EPB41L5: variants seen among roughly 807,000 people sequenced by gnomAD.
EPB41L5 encodes band 4.1-like protein 5.
A neutral mutation model predicts 106.6 loss-of-function variants in EPB41L5; 55 were observed. That is an observed-to-expected ratio of 0.52 (90% CI 0.42 to 0.65). The LOEUF (loss-of-function observed/expected upper bound fraction) is 0.65, where lower values mean the gene tolerates loss of function less well. Among genes scored for constraint, EPB41L5 ranks in the 30% least tolerant of loss-of-function variants. The probability of loss-of-function intolerance (pLI) is 0.00; values close to 1 mark genes in which losing one functional copy is unlikely to be tolerated. For missense variants in EPB41L5, 871 were observed against 882.1 expected (o/e 0.99, Z 0.16); for synonymous variants, 297 against 306.7 (o/e 0.97, Z 0.33).
intron 20 of EPB41L5, among the ~76,000 whole-genome samples, chr2:120,158,291 C>CA (rs2105529798): frequency 6.6e-6 from 1 of 152,236 alleles, no homozygotes; most frequent in East Asian, 1.9e-4. Context: ...AATGACACAA[C>CA]AAAGAAAGAA....
chr2:120,027,188 CTAGG>C (rs1248453994), intron 2 of EPB41L5, among the ~76,000 whole-genome samples: 1 of 152,188 alleles, frequency 6.6e-6, no homozygotes, highest in Non-Finnish European at 1.5e-5. Flanking sequence ...AGTTACATTT[CTAGG>C]TATATCTCCA....
At chr2:120,168,070 A>T in intron 24 of EPB41L5, 63 bp downstream of exon 24, 1 of 1,544,876 alleles carries the variant, frequency 6.5e-7, no homozygotes, top group Non-Finnish European at 8.8e-7. Context: ...AAATAATAAA[A>T]CTTATTATCT....
chr2:120,173,530 A>C (rs988109455), intron 24 of EPB41L5, among the ~76,000 whole-genome samples: 5 of 152,230 alleles, frequency 3.3e-5, no homozygotes, highest in African/African-American at 1.2e-4. Context: ...AAAGTGAAGG[A>C]AAATACCAGG....
chr2:120,150,781 T>C (rs566361946), intron 20 of EPB41L5, among the ~76,000 whole-genome samples: 2 of 152,354 alleles, frequency 1.3e-5, no homozygotes, highest in Admixed American at 1.3e-4. Flanking sequence ...ACCGAATACA[T>C]GATTTGAAAA....
At chr2:120,106,283 A>T in intron 16 of EPB41L5, 1 of 985,366 alleles carries the variant, frequency 1.0e-6, no homozygotes, top group Non-Finnish European at 1.2e-6. Context: ...CTAAGGCTGG[A>T]TGGTAGTAAA....
At position 120,127,699 on chromosome 2, in the gene EPB41L5, A is replaced by C; in HGVS notation, c.1349A>C (p.Asn450Thr). 1 of 1,602,070 alleles carries C rather than the reference A, an allele frequency of 6.2e-7. No homozygotes were observed. Among genetic ancestry groups the C allele is most frequent in the Non-Finnish European group, 8.5e-7 (1 of 1,172,736 alleles). Residue 450 changes from asparagine to threonine, a missense_variant, in exon 17 of 25, where the codon AAT (asparagine) becomes ACT (threonine). By Grantham distance (65) the Asn-to-Thr change is moderately conservative. Transcript: ENST00000263713. Reference protein sequence around the residue: ...DQHDRKCIPLNIDLLNSPDLL... With the variant: ...DQHDRKCIPLTIDLLNSPDLL... Reference sequence around the variant, plus strand: ...TATTTCCATTGCAGCATTCCTCTGAATATTGATTTGCTGAATAGCCCAGAC... The same window carrying C: ...TATTTCCATTGCAGCATTCCTCTGACTATTGATTTGCTGAATAGCCCAGAC...
chr2:120,016,097 C>T (rs953350272), intron 1 of EPB41L5, among the ~76,000 whole-genome samples: 38 of 151,948 alleles, frequency 2.5e-4, no homozygotes, highest in African/African-American at 9.2e-4. Context: ...GTTATCCTTC[C>T]AGAAATAGAA....
intron 10 of EPB41L5, among the ~76,000 whole-genome samples, chr2:120,083,799 A>G (rs989225331): frequency 7.2e-5 from 11 of 152,212 alleles, no homozygotes; most frequent in Admixed American, 5.2e-4. Flanking sequence ...TTGGGTGCAC[A>G]TATATTTAGG....
chr2:120,058,781 T>TAA (rs1464829247), intron 3 of EPB41L5, among the ~76,000 whole-genome samples: 1 of 152,188 alleles, frequency 6.6e-6, no homozygotes, highest in Non-Finnish European at 1.5e-5. Context: ...AACATATTTT[T>TAA]AAAAATAGCG....
Position 120,164,710 on chromosome 2 carries a change from T to C in EPB41L5, c.1888-126T>C, listed in dbSNP as rs947127801. 2.6e-5 allele frequency: 15 copies of C among 579,306 alleles called. No homozygotes were observed. In the Admixed American group the frequency reaches 5.0e-4, roughly 19 times the overall value. The allele number at this position is 579,306 out of a possible 1,614,324, so 35.9% of individuals were successfully genotyped here. On this transcript the variant is annotated intron_variant, in intron 21 of 24. Transcript: ENST00000263713. Reference sequence around the variant, plus strand: ...AACAACCATGATTTATGAGTGTCCCTGTGTATTTAAAGGATTAACACTAAT... The same window carrying C: ...AACAACCATGATTTATGAGTGTCCCCGTGTATTTAAAGGATTAACACTAAT...
intron 20 of EPB41L5, among the ~76,000 whole-genome samples, chr2:120,152,783 T>G (rs1294847941): frequency 6.6e-6 from 1 of 152,268 alleles, no homozygotes; most frequent in African/African-American, 2.4e-5. Context: ...CTTTACTTGT[T>G]GTAAGTCTAT....
chr2:120,076,258 C>G (rs1682225217), intron 7 of EPB41L5, among the ~76,000 whole-genome samples: 1 of 151,820 alleles, frequency 6.6e-6, no homozygotes, highest in Admixed American at 6.6e-5. Flanking sequence ...AAGACAGGGA[C>G]TATATTTAGA....
chr2:120,174,444 GAC>G (rs1687842704), intron 24 of EPB41L5, among the ~76,000 whole-genome samples: 1 of 146,776 alleles, frequency 6.8e-6, no homozygotes, highest in Non-Finnish European at 1.5e-5. Context: ...CAGCCTGGGC[GAC>G]AGAGCAAGAC....
chr2:120,057,220 A>T (rs1367671354), intron 3 of EPB41L5, among the ~76,000 whole-genome samples: 1 of 152,154 alleles, frequency 6.6e-6, no homozygotes, highest in East Asian at 1.9e-4. Flanking sequence ...TTTAGAGAGT[A>T]AAAGGGGTAC....
intron 3 of EPB41L5, among the ~76,000 whole-genome samples, chr2:120,056,940 A>T (rs1428209684): frequency 6.6e-6 from 1 of 152,150 alleles, no homozygotes; most frequent in South Asian, 2.1e-4. Flanking sequence ...TTTGTCACCC[A>T]GGCTGGAGTG....
chr2:120,019,376 G>T, intron 2 of EPB41L5, 112 bp downstream of exon 2: 1 of 955,604 alleles, frequency 1.0e-6, no homozygotes, highest in Non-Finnish European at 1.5e-6. Context: ...AGGTATTATG[G>T]GTTAGTATAG....
rs931055265 is a variant in EPB41L5, at chr2:120,176,535, A to G, written c.*1628A>G. ...ATTGGAACCCACGTTTGCACAAAACATTTTTGCAGAAGGAAAGTCAACACT... is the reference window on the plus strand; with the variant it reads ...ATTGGAACCCACGTTTGCACAAAACGTTTTTGCAGAAGGAAAGTCAACACT... On this transcript the variant is annotated 3_prime_UTR_variant, in exon 25 of 25. Coordinates refer to ENST00000263713, the MANE Select transcript of EPB41L5 (RefSeq NM_020909.4). 3 of 152,234 alleles carry G rather than the reference A, an allele frequency of 2.0e-5. No homozygotes were observed. The highest frequency in any genetic ancestry group is 4.4e-5 in the Non-Finnish European group (3 of 68,046). The allele number at this position is 152,234 out of a possible 1,614,324, so 9.4% of individuals were successfully genotyped here.
intron 18 of EPB41L5, among the ~76,000 whole-genome samples, chr2:120,135,922 A>G (rs887538294): frequency 3.9e-5 from 6 of 152,152 alleles, no homozygotes; most frequent in Non-Finnish European, 7.4e-5. Flanking sequence ...TGGTAATGGT[A>G]TGTACACTAA....
intron 3 of EPB41L5, among the ~76,000 whole-genome samples, chr2:120,057,656 G>A (rs1224281936): frequency 6.7e-6 from 1 of 148,160 alleles, no homozygotes; most frequent in Admixed American, 6.7e-5. Context: ...TTTTGCTGTT[G>A]GTACAACTTT....
Sources: gnomAD v4.1 joint callset for allele counts (sites outside exome capture counted in the v4.1 genomes callset) on GRCh38, gnomAD v4.1.1 for gene constraint, MANE v1.5 for transcripts, NCBI Gene and HGNC (gene_info 2026-07-23, HGNC 2026-07-21) for gene names.